NCKAP5L: variants seen among roughly 807,000 people sequenced by gnomAD.
NCKAP5L encodes the protein NCK associated protein 5 like.
Under a neutral mutation model 103.2 loss-of-function variants are expected in NCKAP5L, and 54 were observed. That is an observed-to-expected ratio of 0.52 (90% CI 0.42 to 0.66). The LOEUF is 0.66. NCKAP5L is among the 30% of genes least tolerant of loss of function. NCKAP5L has a pLI of 0.00. For missense variants in NCKAP5L, 1,733 were observed against 1,750.6 expected, an observed-to-expected ratio of 0.99 and a Z score of 0.18; for synonymous variants, 762 against 748.6, an observed-to-expected ratio of 1.02 and a Z score of -0.29.
intron 1 of NCKAP5L, among the ~76,000 whole-genome samples, chr12:49,819,839 A>G (rs1946341367): frequency 6.6e-6 from 1 of 152,264 alleles, no homozygotes; most frequent in South Asian, 2.1e-4. Context: ...GGAGACATCA[A>G]GTGAACAGAA....
intron 2 of NCKAP5L, chr12:49,804,317 A>G (rs1946156592): frequency 7.5e-6 from 2 of 266,820 alleles, no homozygotes; most frequent in Non-Finnish European, 7.0e-6. Context: ...TGATTTCTCT[A>G]CTGGGACTGG....
At chr12:49,802,160 G>T (rs1946127190) in intron 5 of NCKAP5L, 193 bp from the exon 6 acceptor site, 5 of 581,842 alleles carry the variant, frequency 8.6e-6, no homozygotes, top group African/African-American at 7.5e-5. Context: ...TCTAGGGATG[G>T]TAAATTCTCT....
At chr12:49,802,466 C>T (rs1304618943) in intron 5 of NCKAP5L, 1 of 168,588 alleles carries the variant, frequency 5.9e-6, no homozygotes, top group South Asian at 1.5e-4. Flanking sequence ...CCAGGATAGT[C>T]TTGATCTCTT....
At chr12:49,805,415 T>C (rs1946168979) in intron 2 of NCKAP5L, 1 of 152,248 alleles carries the variant, frequency 6.6e-6, no homozygotes. Context: ...CTGACTAGTC[T>C]TCATCTTCCA....
chr12:49,795,139 G>C lies in NCKAP5L; in HGVS notation c.2721C>G (p.Ala907=). 1 of 1,611,214 alleles carries C rather than the reference G, an allele frequency of 6.2e-7. No homozygotes were observed. The highest frequency in any genetic ancestry group is 8.5e-7 in the Non-Finnish European group (1 of 1,179,248). ...TGCTGGTGTTGCGGTGCTTGACCTC[G>C]GCGCCAGGGGCTCGCTCCTGGCCCT... The part of the protein sequence containing the change: ...RLQGQERAPG[A]EVKHRNTSSI... The change falls in exon 8 of 13, where the codon GCC becomes GCG. Residue 907 remains alanine, a synonymous_variant. Coordinates refer to ENST00000335999, the MANE Select transcript of NCKAP5L (RefSeq NM_001037806.4).
chr12:49,822,090 G>A (rs753068743), intron 1 of NCKAP5L, among the ~76,000 whole-genome samples: 1 of 152,122 alleles, frequency 6.6e-6, no homozygotes, highest in Non-Finnish European at 1.5e-5. Context: ...TGGGATTAGT[G>A]CTCTTATGAA....
At chr12:49,802,054 G>T in intron 5 of NCKAP5L, 87 bp from the exon 6 acceptor site, 2 of 1,532,856 alleles carry the variant, frequency 1.3e-6, no homozygotes, top group East Asian at 2.3e-5. Flanking sequence ...AGCGGCATCT[G>T]TCTGGAGGCC....
rs1471856455 is a variant in NCKAP5L, at chr12:49,791,545, G to T, written c.*294C>A. 3.4e-6 allele frequency: 1 copy of T among 295,370 alleles called. No individual in the cohort carries two copies. The highest frequency in any genetic ancestry group is 6.3e-6 in the Non-Finnish European group (1 of 159,384). 18.3% of individuals were successfully genotyped at this position (295,370 alleles called of 1,614,324 possible). A position where few individuals can be genotyped will look rare whatever the true frequency, so the allele number is the denominator to read the frequency against. On this transcript the variant is annotated 3_prime_UTR_variant, in exon 13 of 13. Coordinates refer to ENST00000335999, the MANE Select transcript of NCKAP5L (RefSeq NM_001037806.4). ...ACAAGATGGCTCAGCCTGAAGTAGG[G>T]ACTGGAGGGCTGCGACACAGTGGCC...
intron 5 of NCKAP5L, 157 bp downstream of exon 5, chr12:49,802,801 A>G: frequency 1.3e-6 from 1 of 784,550 alleles, no homozygotes; most frequent in Non-Finnish European, 2.0e-6. Context: ...ACCTAGTCCC[A>G]CCTCTGTCTC....
chr12:49,798,140 G>A (rs1284304860), intron 7 of NCKAP5L, among the ~76,000 whole-genome samples: 2 of 152,200 alleles, frequency 1.3e-5, no homozygotes, highest in African/African-American at 4.8e-5. Flanking sequence ...TGCAGTAAGA[G>A]CTCAGTAAGT....
At position 49,791,247 on chromosome 12, in the gene NCKAP5L, G is replaced by C. The variant is rs1592743947; in HGVS notation, c.*592C>G. ...AACACATAAATTAACCGCAGTGCGG[G>C]GCTGGGGGCTGGGGGCTGGGCCAGG... On this transcript the variant is annotated 3_prime_UTR_variant, in exon 13 of 13. Coordinates refer to ENST00000335999, the MANE Select transcript of NCKAP5L (RefSeq NM_001037806.4). 6.5e-6 allele frequency: 1 copy of C among 153,292 alleles called. No homozygotes were observed. The highest frequency in any genetic ancestry group is 1.9e-4 in the East Asian group (1 of 5,198). The allele number at this position is 153,292 out of a possible 1,614,324, so 9.5% of individuals were successfully genotyped here.
At chr12:49,826,321 C>T (rs1300680028) in intron 1 of NCKAP5L, among the ~76,000 whole-genome samples, 3 of 152,012 alleles carry the variant, frequency 2.0e-5, no homozygotes, top group African/African-American at 7.2e-5. Context: ...TGGCTGCCTC[C>T]TCCTCTCTCA....
intron 1 of NCKAP5L, among the ~76,000 whole-genome samples, chr12:49,823,328 C>A (rs1469591992): frequency 6.6e-6 from 1 of 152,008 alleles, no homozygotes; most frequent in African/African-American, 2.4e-5. Context: ...CTGAACAGAT[C>A]CTTGTACAGA....
chr12:49,796,483 T>A lies in NCKAP5L; in HGVS notation c.1377A>T (p.Leu459=). The change falls in exon 8 of 13, where the codon CTA becomes CTT. Residue 459 remains leucine, a synonymous_variant. Coordinates refer to ENST00000335999, the MANE Select transcript of NCKAP5L (RefSeq NM_001037806.4). The stretch of plus-strand genomic sequence containing the variant: ...TCTTCTCCGAGGTTGGAGGCAGCTT[T>A]AGAAACTTGAGACCCCTAGCTGGAG... ...LPSPARGLKF[L]KLPPTSEKSP... 7.2e-6 allele frequency: 11 copies of A among 1,534,286 alleles called. No individual in the cohort carries two copies. The highest frequency in any genetic ancestry group is 9.6e-6 in the Non-Finnish European group (11 of 1,141,586).
rs180997468 is a variant in NCKAP5L, at chr12:49,792,604, G to A, written c.3650-16C>T. 11 of 1,613,780 alleles carry A rather than the reference G, an allele frequency of 6.8e-6. No homozygotes were observed. Among genetic ancestry groups the A allele is most frequent in the South Asian group, 3.3e-5 (3 of 91,084 alleles). ...TCACAGGGATCTGTCCAGGAACAAA[G>A]GGAAGGTGGATGGAGCTGCCTGGGC... On this transcript the variant is annotated splice_polypyrimidine_tract_variant and intron_variant, in intron 11 of 12. Coordinates refer to ENST00000335999, the MANE Select transcript of NCKAP5L (RefSeq NM_001037806.4). The surrounding 1 kb of genome is among the most constrained non-coding windows in gnomAD (Gnocchi z 4.5).
chr12:49,792,798 C>T lies in NCKAP5L; in HGVS notation c.3529G>A (p.Glu1177Lys). Residue 1177 changes from glutamate to lysine, a missense_variant, in exon 11 of 13, where the codon GAG becomes AAG. Transcript: ENST00000335999. This position sits in a 1 kb window ranked among gnomAD's most constrained non-coding sequence, Gnocchi z 4.5. ...TKVPRRAHTL[E>K]REVPGIEELL... ...TCCTCTATGCCTGGCACCTCCCGCT[C>T]CAGTGTGTGGGCGCGGCGGGGGACT... is the stretch of plus-strand genomic sequence containing the variant. 1.2e-6 allele frequency: 2 copies of T among 1,603,398 alleles called. No individual in the cohort carries two copies. The highest frequency in any genetic ancestry group is 8.5e-7 in the Non-Finnish European group (1 of 1,176,966).
At chr12:49,827,336 C>A (rs1231185057) in intron 1 of NCKAP5L, among the ~76,000 whole-genome samples, 1 of 152,224 alleles carries the variant, frequency 6.6e-6, no homozygotes, top group Middle Eastern at 3.2e-3. Context: ...TAGCCCAAGA[C>A]CCCCAGCTCC....
At chr12:49,793,621 G>GT in intron 9 of NCKAP5L, 113 bp downstream of exon 9, 1 of 1,356,212 alleles carries the variant, frequency 7.4e-7, no homozygotes, top group Non-Finnish European at 9.9e-7. Flanking sequence ...CGTAGAGACT[G>GT]TGAGTGCATC....
At chr12:49,794,014 A>G in intron 8 of NCKAP5L, 118 bp from the exon 9 acceptor site, 1 of 967,330 alleles carries the variant, frequency 1.0e-6, no homozygotes, top group Non-Finnish European at 1.4e-6. Context: ...ACCCCCGGGG[A>G]AGGGGACATG....
Sources: allele counts gnomAD v4.1 joint callset (sites outside exome capture counted in the v4.1 genomes callset), GRCh38; gene constraint gnomAD v4.1.1; non-coding constraint Gnocchi (gnomAD v3.1); transcripts MANE v1.5; gene names NCBI Gene and HGNC (gene_info 2026-07-23, HGNC 2026-07-21).